Variants in MICU1 observed in about 807,000 individuals in gnomAD.
The protein encoded by MICU1 is mitochondrial calcium uptake 1, also known as calcium uptake protein 1, mitochondrial.
In MICU1, 45 loss-of-function variants were observed where a neutral mutation model predicts 56.8. That is an observed-to-expected ratio of 0.79 (90% CI 0.62 to 1.02). The LOEUF (loss-of-function observed/expected upper bound fraction) is 1.02, where lower values mean the gene tolerates loss of function less well. MICU1 is among the 50% of genes least tolerant of loss of function. The pLI is 0.00. For synonymous variants in MICU1, 186 were observed against 195.1 expected (o/e 0.95, Z 0.39); for missense variants, 504 against 587.1 (o/e 0.86, Z 1.46).
At chr10:72,594,788 T>C (rs1468030654) in intron 1 of MICU1, among the ~76,000 whole-genome samples, 1 of 151,796 alleles carries the variant, frequency 6.6e-6, no homozygotes, top group Non-Finnish European at 1.5e-5. Context: ...GGTGCACCTG[T>C]AGTCCCAGCT....
At chr10:72,408,072 C>A (rs1212422760) in intron 9 of MICU1, 35 bp from the exon 10 acceptor site, 1 of 1,454,356 alleles carries the variant, frequency 6.9e-7, no homozygotes, top group South Asian at 1.2e-5. Context: ...AAGGCAGGAC[C>A]TGTAACAAAA....
chr10:72,594,381 C>G (rs552813200), intron 1 of MICU1, among the ~76,000 whole-genome samples: 1 of 151,450 alleles, frequency 6.6e-6, no homozygotes, highest in Non-Finnish European at 1.5e-5. Context: ...CCTTACTTAA[C>G]ACCACATACA....
rs1554862082 is a variant in MICU1 at position 72,403,670 on chromosome 10, T to TGC, written c.1180+4258_1180+4259insGC. Among the ~76,000 whole-genome samples the TGC allele has an allele frequency of 8.0e-5, 12 of 149,710 alleles. No individual in the cohort carries two copies. In the South Asian group the frequency reaches 1.1e-3, roughly 13 times the overall value. On this transcript the variant is annotated intron_variant, in intron 10 of 11. Coordinates refer to ENST00000361114, the MANE Select transcript of MICU1 (RefSeq NM_001195518.2). ...GTGTGTGTGTGTGTGTGTGTGTGTG[T>TGC]TTTGAGACGGAGTCTCGCTCTGTTG... is the stretch of plus-strand genomic sequence containing the variant.
rs947436708 is a variant in MICU1 at position 72,442,407 on chromosome 10, G to A, written c.934-19036C>T. Among the ~76,000 whole-genome samples, 6 of 152,090 alleles carry A rather than the reference G, an allele frequency of 3.9e-5. No individual in the cohort carries two copies. The East Asian group carries it at 7.8e-4, about 20-fold the overall frequency. ...GACCCACCCGCCTCAGCCTCCCAAA[G>A]TGCTAGGATTACAAGCGTGAGCCAC... On this transcript the variant is annotated intron_variant, in intron 8 of 11. Transcript: ENST00000361114.
intron 8 of MICU1, among the ~76,000 whole-genome samples, chr10:72,448,251 T>C (rs1188281578): frequency 3.1e-5 from 4 of 129,228 alleles, no homozygotes; most frequent in Non-Finnish European, 6.3e-5. Flanking sequence ...CGAGGCTCAC[T>C]GCAACCTCCG....
intron 5 of MICU1, among the ~76,000 whole-genome samples, chr10:72,518,879 C>T (rs1433614592): frequency 6.6e-6 from 1 of 152,122 alleles, no homozygotes; most frequent in African/African-American, 2.4e-5. Context: ...CAGGGTTTCA[C>T]CATATTGGCC....
intron 6 of MICU1, among the ~76,000 whole-genome samples, chr10:72,492,789 G>GAATAGAATAAAATAAAATAA (rs750749111): frequency 2.2e-5 from 3 of 135,224 alleles, no homozygotes; most frequent in Non-Finnish European, 4.6e-5. Flanking sequence ...AAATAGAATA[G>GAATAGAATAAAATAAAATAA]AATAAAATAA....
At chr10:72,484,182 C>T (rs1162992391) in intron 6 of MICU1, among the ~76,000 whole-genome samples, 2 of 152,062 alleles carry the variant, frequency 1.3e-5, no homozygotes, top group Non-Finnish European at 2.9e-5. Context: ...TATCTAGTTT[C>T]CCATATGATG....
intron 8 of MICU1, among the ~76,000 whole-genome samples, chr10:72,472,366 T>C (rs1236642182): frequency 2.0e-5 from 3 of 152,236 alleles, no homozygotes; most frequent in Non-Finnish European, 4.4e-5. Flanking sequence ...CTTCTATTAT[T>C]GTTGAAATCT....
At chr10:72,581,267 A>G (rs548279346) in intron 1 of MICU1, among the ~76,000 whole-genome samples, 1 of 152,362 alleles carries the variant, frequency 6.6e-6, no homozygotes, top group South Asian at 2.1e-4. Flanking sequence ...TTTGCCATCT[A>G]TGATAACAAT....
chr10:72,621,402 G>T (rs949381920), intron 1 of MICU1, among the ~76,000 whole-genome samples: 3 of 152,096 alleles, frequency 2.0e-5, no homozygotes, highest in Admixed American at 6.6e-5. Context: ...TGAGGCAGGA[G>T]AATTGCTTGA....
At chr10:72,531,958 T>C (rs1358889047) in intron 5 of MICU1, among the ~76,000 whole-genome samples, 2 of 148,750 alleles carry the variant, frequency 1.3e-5, no homozygotes, top group African/African-American at 4.9e-5. Context: ...TGGAGCGCAA[T>C]GGCACAATCT....
intron 11 of MICU1, among the ~76,000 whole-genome samples, chr10:72,368,694 G>C (rs550810394): frequency 5.3e-5 from 8 of 152,264 alleles, no homozygotes; most frequent in African/African-American, 1.9e-4. Flanking sequence ...ACCACAGTGT[G>C]GGGTAAACGG....
chr10:72,467,992 C>G (rs911424222), intron 8 of MICU1: 1 of 152,002 alleles, frequency 6.6e-6, no homozygotes, highest in Non-Finnish European at 1.5e-5. Flanking sequence ...TGGGCCTCTA[C>G]ATTCGGCTAA....
At chr10:72,588,716 G>T (rs1241419378) in intron 1 of MICU1, among the ~76,000 whole-genome samples, 3 of 152,148 alleles carry the variant, frequency 2.0e-5, no homozygotes, top group African/African-American at 7.2e-5. Context: ...GCTTGGCTGT[G>T]GGGGGCTGTC....
chr10:72,430,952 CA>C (rs1864506348), intron 8 of MICU1, among the ~76,000 whole-genome samples: 1 of 152,106 alleles, frequency 6.6e-6, no homozygotes, highest in Admixed American at 6.6e-5. Context: ...AATGGTATCA[CA>C]GTGGATATAT....
At chr10:72,575,258 G>T (rs1287394231) in intron 1 of MICU1, among the ~76,000 whole-genome samples, 2 of 152,058 alleles carry the variant, frequency 1.3e-5, no homozygotes, top group Non-Finnish European at 2.9e-5. Flanking sequence ...TGGCCTTCCT[G>T]GCCCTATTTT....
intron 8 of MICU1, among the ~76,000 whole-genome samples, chr10:72,432,461 G>A (rs1228284250): frequency 6.6e-6 from 1 of 151,982 alleles, no homozygotes; most frequent in Non-Finnish European, 1.5e-5. Context: ...GTCCATTTGT[G>A]TTGCTATAAA....
intron 8 of MICU1, among the ~76,000 whole-genome samples, chr10:72,473,753 G>A (rs1866019769): frequency 6.6e-6 from 1 of 152,068 alleles, no homozygotes; most frequent in Non-Finnish European, 1.5e-5. Context: ...ACAACAAAAC[G>A]ACATTGAACA....
Sources: allele counts gnomAD v4.1 joint callset (sites outside exome capture counted in the v4.1 genomes callset), GRCh38; gene constraint gnomAD v4.1.1; transcripts MANE v1.5; gene names NCBI Gene and HGNC (gene_info 2026-07-23, HGNC 2026-07-21).